The following GALNT18 variants were observed in gnomAD, a reference collection of about 807,000 sequenced individuals.
The protein encoded by GALNT18 is polypeptide N-acetylgalactosaminyltransferase 18.
GALNT18 carries 44 observed loss-of-function variants against 69.5 expected under a neutral mutation model. The ratio of observed to expected loss-of-function variants is 0.63; its 90% confidence interval spans 0.50 to 0.81. The LOEUF (loss-of-function observed/expected upper bound fraction) is 0.81, where lower values mean the gene tolerates loss of function less well. Ranked by LOEUF, GALNT18 falls within the 40% of genes least tolerant of loss-of-function variation. The pLI is 0.00. For missense variants in GALNT18, 715 were observed against 810.0 expected (o/e 0.88, Z 1.42); for synonymous variants, 364 against 318.2 (o/e 1.14, Z -1.53).
At chr11:11,350,510 C>T (rs958503162) in intron 6 of GALNT18, among the ~76,000 whole-genome samples, 2 of 152,176 alleles carry the variant, frequency 1.3e-5, no homozygotes, top group Non-Finnish European at 2.9e-5. Context: ...AAAAGGAAGA[C>T]GTCAGGCTCT....
intron 1 of GALNT18, among the ~76,000 whole-genome samples, chr11:11,471,398 C>G (rs1280673505): frequency 6.6e-6 from 1 of 152,302 alleles, no homozygotes; most frequent in East Asian, 1.9e-4. Flanking sequence ...AGGACTGGTC[C>G]AGCCCTGACA....
chr11:11,532,506 C>T (rs552840948), intron 1 of GALNT18, among the ~76,000 whole-genome samples: 21 of 152,178 alleles, frequency 1.4e-4, no homozygotes, highest in Non-Finnish European at 2.6e-4. Context: ...CATGGCCACA[C>T]GGTGGGCACT....
At chr11:11,610,695 A>C (rs1375328705) in intron 1 of GALNT18, among the ~76,000 whole-genome samples, 2 of 152,204 alleles carry the variant, frequency 1.3e-5, no homozygotes, top group Admixed American at 1.3e-4. Context: ...CCCACGTTAT[A>C]CCTTCCTCCA....
At chr11:11,317,399 A>G (rs1849774825) in intron 9 of GALNT18, among the ~76,000 whole-genome samples, 1 of 152,184 alleles carries the variant, frequency 6.6e-6, no homozygotes. Flanking sequence ...GCTCTACAAA[A>G]CTATTCCTAT....
At chr11:11,468,951 T>C (rs1856214655) in intron 1 of GALNT18, among the ~76,000 whole-genome samples, 1 of 151,980 alleles carries the variant, frequency 6.6e-6, no homozygotes, top group Admixed American at 6.5e-5. Flanking sequence ...TGGACCATCA[T>C]TGCACATGGG....
rs1850160847 is a variant in GALNT18 at position 11,339,204 on chromosome 11, C to A, written c.1278+1615G>T. ...TCTCCACCTAAGGCTTTATCCTGGG[C>A]AATTCCACCTCTTACCTGTCTTGTG... On this transcript the variant is annotated intron_variant, in intron 7 of 10. Coordinates refer to ENST00000227756, the MANE Select transcript of GALNT18 (RefSeq NM_198516.3). The surrounding 1 kb of genome is among the most constrained non-coding windows in gnomAD (Gnocchi z 5.2). Among the ~76,000 whole-genome samples the A allele has an allele frequency of 6.6e-6, 1 of 152,184 alleles. No homozygotes were observed. The highest frequency in any genetic ancestry group is 2.1e-4 in the South Asian group (1 of 4,822).
rs1055177934 is a variant in GALNT18 at position 11,591,170 on chromosome 11, G to GTC, written c.235+30188_235+30189insGA. The stretch of plus-strand genomic sequence containing the variant: ...TAGGCCTAGGCTACCGTGTGTGTGT[G>GTC]TGTGTGTGTGTGTGTTAGTTTTTAA... On this transcript the variant is annotated intron_variant, in intron 1 of 10. Coordinates refer to ENST00000227756, the MANE Select transcript of GALNT18 (RefSeq NM_198516.3). The surrounding 1 kb of genome is among the most constrained non-coding windows in gnomAD (Gnocchi z 4.8). Among the ~76,000 whole-genome samples the GTC allele has an allele frequency of 9.9e-5, 15 of 151,890 alleles. No homozygotes were observed. Among genetic ancestry groups the GTC allele is most frequent in the Non-Finnish European group, 2.2e-4 (15 of 67,950 alleles).
At chr11:11,553,203 G>A (rs1858243455) in intron 1 of GALNT18, among the ~76,000 whole-genome samples, 1 of 152,212 alleles carries the variant, frequency 6.6e-6, no homozygotes, top group Admixed American at 6.5e-5. Flanking sequence ...CCACTCTGAA[G>A]TTTGGCCTAG....
Position 11,271,174 on chromosome 11 carries a change from G to A in GALNT18, c.1794C>T (p.Ile598=). The change falls in exon 11 of 11, where the codon ATC becomes ATT. Residue 598 remains isoleucine, a synonymous_variant. Coordinates refer to ENST00000227756, the MANE Select transcript of GALNT18 (RefSeq NM_198516.3). The part of the protein sequence containing the change: ...LQKCSGQHWS[I]TNVLRSLAS ...ACGCGAGGCTCCTCAGGACGTTGGT[G>A]ATGCTCCAGTGCTGGCCCGAGCACT... 6.2e-7 allele frequency: 1 copy of A among 1,613,852 alleles called. No homozygotes were observed. Among genetic ancestry groups the A allele is most frequent in the South Asian group, 1.1e-5 (1 of 91,086 alleles).
chr11:11,307,492 T>G (rs1590025811), intron 9 of GALNT18, among the ~76,000 whole-genome samples: 1 of 152,152 alleles, frequency 6.6e-6, no homozygotes, highest in East Asian at 1.9e-4. Flanking sequence ...AGGTAAATTA[T>G]TGGATAGCAA....
intron 1 of GALNT18, among the ~76,000 whole-genome samples, chr11:11,528,458 C>T (rs150538056): frequency 6.6e-6 from 1 of 152,318 alleles, no homozygotes; most frequent in East Asian, 1.9e-4. Flanking sequence ...AGAAGGTACA[C>T]ACCTTCAGCT....
At position 11,518,510 on chromosome 11, in the gene GALNT18, G is replaced by A. The variant is rs79858920; in HGVS notation, c.236-69574C>T. On this transcript the variant is annotated intron_variant, in intron 1 of 10. Transcript: ENST00000227756. ...TAGAGATGATGTACCTTTAGGTGTC[G>A]TGGTTACCAGGGTTGGTTTTCTACT... is the stretch of plus-strand genomic sequence containing the variant. Among the ~76,000 whole-genome samples the A allele has an allele frequency of 4.5e-4, 68 of 152,276 alleles. No individual in the cohort carries two copies. The East Asian group carries it at 0.012, about 27-fold the overall frequency.
chr11:11,352,396 A>G (rs1850429563), intron 6 of GALNT18: 3 of 1,613,952 alleles, frequency 1.9e-6, no homozygotes, highest in Admixed American at 1.7e-5. Context: ...ATCCTCACCA[A>G]CTGATCATAA....
intron 1 of GALNT18, among the ~76,000 whole-genome samples, chr11:11,536,150 T>C (rs1857767737): frequency 6.6e-6 from 1 of 152,174 alleles, no homozygotes; most frequent in Non-Finnish European, 1.5e-5. Context: ...ATCAAGACCT[T>C]GGGCTAAATT....
At chr11:11,450,733 G>A (rs1457170508) in intron 1 of GALNT18, among the ~76,000 whole-genome samples, 2 of 152,182 alleles carry the variant, frequency 1.3e-5, no homozygotes, top group Non-Finnish European at 2.9e-5. Context: ...CCTACCACGA[G>A]CCAGGCTCTG....
intron 3 of GALNT18, among the ~76,000 whole-genome samples, chr11:11,429,837 A>C (rs1855225599): frequency 6.6e-6 from 1 of 152,180 alleles, no homozygotes; most frequent in Non-Finnish European, 1.5e-5. Context: ...AGAGCTGTGA[A>C]TCATTAGGAA....
rs376096994 is a variant in GALNT18, at chr11:11,533,283, AG to A, written c.236-84348del. The stretch of plus-strand genomic sequence containing the variant: ...CTATTAGTGATCTGTCATCACCTGC[AG>A]GCTACAGAGAAGAAGCTGAGCTCAG... On this transcript the variant is annotated intron_variant, in intron 1 of 10. Transcript: ENST00000227756. Among the ~76,000 whole-genome samples the A allele has an allele frequency of 3.7e-3, 571 of 152,296 alleles. 3 individuals carry two copies. The highest frequency in any genetic ancestry group is 0.012 in the African/African-American group (508 of 41,556).
intron 1 of GALNT18, among the ~76,000 whole-genome samples, chr11:11,571,224 A>T (rs1453977438): frequency 1.3e-5 from 2 of 152,200 alleles, no homozygotes; most frequent in Admixed American, 1.3e-4. Flanking sequence ...CAGGACCAGG[A>T]TTTCAATCCA....
At chr11:11,561,558 C>A (rs1322095438) in intron 1 of GALNT18, among the ~76,000 whole-genome samples, 3 of 152,184 alleles carry the variant, frequency 2.0e-5, no homozygotes. Flanking sequence ...AAATGCCTAG[C>A]AGAGTCAGCT....
Sources: gnomAD v4.1 joint callset for allele counts (sites outside exome capture counted in the v4.1 genomes callset) on GRCh38, gnomAD v4.1.1 for gene constraint, Gnocchi (gnomAD v3.1) non-coding constraint, MANE v1.5 for transcripts, NCBI Gene and HGNC (gene_info 2026-07-23, HGNC 2026-07-21) for gene names.